Variants in XKR4 observed in about 807,000 individuals in gnomAD.
The protein encoded by XKR4 is XK-related protein 4.
Under a neutral mutation model 53.9 loss-of-function variants are expected in XKR4, and 12 were observed. That is an observed-to-expected ratio of 0.22 (90% CI 0.14 to 0.36). XKR4 has a LOEUF of 0.36. Ranked by LOEUF, XKR4 falls within the 10% of genes least tolerant of loss-of-function variation. The probability of loss-of-function intolerance (pLI) is 1.00; values close to 1 mark genes in which losing one functional copy is unlikely to be tolerated. For synonymous variants in XKR4, 354 were observed against 362.4 expected, an observed-to-expected ratio of 0.98 and a Z score of 0.26; for missense variants, 799 against 859.5, an observed-to-expected ratio of 0.93 and a Z score of 0.88.
intron 2 of XKR4, chr8:55,453,078 G>A (rs574212869): frequency 1.3e-4 from 74 of 578,148 alleles, no homozygotes; most frequent in Middle Eastern, 8.6e-4. Context: ...CCTGATCCTC[G>A]GTGGGCTCCA....
intron 2 of XKR4, among the ~76,000 whole-genome samples, chr8:55,464,936 G>A (rs1456698480): frequency 2.0e-5 from 3 of 152,068 alleles, no homozygotes; most frequent in Non-Finnish European, 4.4e-5. Context: ...CAAGGGATGT[G>A]AAGGACCTCT....
intron 2 of XKR4, among the ~76,000 whole-genome samples, chr8:55,363,188 G>A (rs928467351): frequency 1.3e-5 from 2 of 152,142 alleles, no homozygotes; most frequent in Admixed American, 6.5e-5. Flanking sequence ...CACCCTAAGT[G>A]TATTTAGCTG....
chr8:55,318,791 G>C (rs967227287), intron 1 of XKR4, among the ~76,000 whole-genome samples: 3 of 152,194 alleles, frequency 2.0e-5, no homozygotes, highest in Admixed American at 2.0e-4. Flanking sequence ...CTCCAGAGCA[G>C]TGTTTCATAT....
chr8:55,124,593 G>A (rs2129352336), intron 1 of XKR4, among the ~76,000 whole-genome samples: 1 of 152,320 alleles, frequency 6.6e-6, no homozygotes, highest in East Asian at 1.9e-4. Flanking sequence ...TAACATCAGA[G>A]TAAGCGTTGA....
intron 1 of XKR4, among the ~76,000 whole-genome samples, chr8:55,341,634 T>C (rs1441593456): frequency 6.6e-6 from 1 of 152,240 alleles, no homozygotes; most frequent in East Asian, 1.9e-4. Context: ...CCAAAGAGCA[T>C]GTAGGTTTAG....
intron 1 of XKR4, chr8:55,140,242 T>A: frequency 6.0e-6 from 2 of 334,342 alleles, no homozygotes; most frequent in South Asian, 4.8e-5. Context: ...TAGTTTCAAA[T>A]CATAGATTCC....
chr8:55,152,870 A>G (rs1235061746), intron 1 of XKR4, among the ~76,000 whole-genome samples: 1 of 152,228 alleles, frequency 6.6e-6, no homozygotes, highest in Non-Finnish European at 1.5e-5. Context: ...CTTCATGGCT[A>G]GCACCTCAAT....
rs903764595 is a variant in XKR4, at chr8:55,524,511, G to T, written c.*284G>T. On this transcript the variant is annotated 3_prime_UTR_variant, in exon 3 of 3. Coordinates refer to ENST00000327381, the MANE Select transcript of XKR4 (RefSeq NM_052898.2). ...CACGGTCTTGGGTGCACCCACCAGAGGGTACTACTATTATGGAAAAATTTT... is the reference window on the plus strand; with the variant it reads ...CACGGTCTTGGGTGCACCCACCAGATGGTACTACTATTATGGAAAAATTTT... 4 of 430,834 alleles carry T rather than the reference G, an allele frequency of 9.3e-6. No homozygotes were observed. The highest frequency in any genetic ancestry group is 1.7e-5 in the Non-Finnish European group (4 of 240,628). 26.7% of individuals were successfully genotyped at this position (430,834 alleles called of 1,614,324 possible). A position where few individuals can be genotyped will look rare whatever the true frequency, so the allele number is the denominator to read the frequency against.
chr8:55,204,134 T>C (rs906682669), intron 1 of XKR4, among the ~76,000 whole-genome samples: 44 of 151,202 alleles, frequency 2.9e-4, no homozygotes, highest in African/African-American at 1.0e-3. Flanking sequence ...CCGCAGTCTC[T>C]GGAGTAGCTG....
At chr8:55,288,193 T>C (rs1449082002) in intron 1 of XKR4, among the ~76,000 whole-genome samples, 3 of 152,182 alleles carry the variant, frequency 2.0e-5, no homozygotes, top group Non-Finnish European at 4.4e-5. Context: ...TCAGAGGCAA[T>C]GTGTCTCCAC....
chr8:55,327,183 A>G (rs187754473), intron 1 of XKR4, among the ~76,000 whole-genome samples: 12 of 152,312 alleles, frequency 7.9e-5, no homozygotes, highest in African/African-American at 2.6e-4. Flanking sequence ...CATTAGCTTC[A>G]TAATCATTGT....
intron 1 of XKR4, among the ~76,000 whole-genome samples, chr8:55,184,811 A>G (rs1817354997): frequency 2.0e-5 from 3 of 152,190 alleles, no homozygotes; most frequent in Admixed American, 2.0e-4. Context: ...TGTTGTGTTT[A>G]GGTAATATAA....
At chr8:55,281,388 A>T (rs1290109497) in intron 1 of XKR4, among the ~76,000 whole-genome samples, 2 of 152,208 alleles carry the variant, frequency 1.3e-5, no homozygotes, top group African/African-American at 4.8e-5. Flanking sequence ...GTTGATCAGC[A>T]CCACACACCT....
At chr8:55,454,170 T>C (rs1281913692) in intron 2 of XKR4, 3 of 990,268 alleles carry the variant, frequency 3.0e-6, no homozygotes, top group East Asian at 2.4e-5. Flanking sequence ...CTTAGAACAC[T>C]GTGCGTCTGA....
intron 2 of XKR4, among the ~76,000 whole-genome samples, chr8:55,360,941 A>T (rs370343735): frequency 1.3e-5 from 2 of 152,194 alleles, no homozygotes; most frequent in African/African-American, 4.8e-5. Flanking sequence ...TTGTTTCTCC[A>T]TTTGCACTGG....
intron 2 of XKR4, among the ~76,000 whole-genome samples, chr8:55,395,195 G>A (rs1224242529): frequency 6.6e-6 from 1 of 152,066 alleles, no homozygotes; most frequent in African/African-American, 2.4e-5. Flanking sequence ...GGAAAGTTAG[G>A]AATTGTTCGA....
At chr8:55,188,268 T>G (rs1429677016) in intron 1 of XKR4, among the ~76,000 whole-genome samples, 4 of 152,316 alleles carry the variant, frequency 2.6e-5, no homozygotes, top group African/African-American at 9.6e-5. Flanking sequence ...TGTCTTACTC[T>G]TCTAAGTCTT....
chr8:55,211,972 G>A (rs185679572), intron 1 of XKR4, among the ~76,000 whole-genome samples: 10 of 152,176 alleles, frequency 6.6e-5, no homozygotes, highest in Admixed American at 6.5e-4. Flanking sequence ...CATGGGTTTG[G>A]TCTAACTTGG....
In XKR4 at chr8:55,523,289, G is replaced by A. The variant is rs1408570219; in HGVS notation, c.1015G>A (p.Ala339Thr). The change falls in exon 3 of 3, where the codon GCG becomes ACG. Residue 339 changes from alanine to threonine, a missense_variant. By Grantham distance (58) the Ala-to-Thr change is moderately conservative. Coordinates refer to ENST00000327381, the MANE Select transcript of XKR4 (RefSeq NM_052898.2). ...HSLQALQGFT[A>T]AASLVSLAWA... The stretch of plus-strand genomic sequence containing the variant: ...CCTGTTTGCCTTTGTAGGTTTCACA[G>A]CGGCAGCTTCCCTCGTGTCCCTGGC... 6.2e-7 allele frequency: 1 copy of A among 1,600,198 alleles called. No individual in the cohort carries two copies. The highest frequency in any genetic ancestry group is 1.1e-5 in the South Asian group (1 of 89,106).
Sources: gnomAD v4.1 joint callset for allele counts (sites outside exome capture counted in the v4.1 genomes callset) on GRCh38, gnomAD v4.1.1 for gene constraint, MANE v1.5 for transcripts, NCBI Gene and HGNC (gene_info 2026-07-23, HGNC 2026-07-21) for gene names.